The following SH3GL1 variants were observed in gnomAD, a reference collection of about 807,000 sequenced individuals.
The protein encoded by SH3GL1 is SH3 domain containing GRB2 like 1, endophilin A2, also known as endophilin-A2.
Under a neutral mutation model 48.8 loss-of-function variants are expected in SH3GL1, and 21 were observed. The observed-to-expected ratio is 0.43, with a 90% CI of 0.30 to 0.62. The LOEUF is 0.62. Among genes scored for constraint, SH3GL1 ranks in the 20% least tolerant of loss-of-function variants. SH3GL1 has a pLI of 0.11. For missense variants in SH3GL1, 454 were observed against 503.0 expected (o/e 0.90, Z 0.93); for synonymous variants, 282 against 217.5 (o/e 1.30, Z -2.61).
chr19:4,374,361 G>C (rs1022470606), intron 1 of SH3GL1, among the ~76,000 whole-genome samples: 3 of 152,344 alleles, frequency 2.0e-5, no homozygotes, highest in Non-Finnish European at 2.9e-5. Flanking sequence ...TTCAGGCCTG[G>C]TCTATGATGG....
Position 4,367,029 on chromosome 19 carries a change from A to AG in SH3GL1, c.46-36dup. 6.3e-7 allele frequency: 1 copy of AG among 1,598,072 alleles called. No homozygotes were observed. The highest frequency in any genetic ancestry group is 8.6e-7 in the Non-Finnish European group (1 of 1,165,486). Reference sequence around the variant, plus strand: ...AGAAGAGGGGAAACGCTGTGAGCCCAGGGGTAGGAGGAAGAAGAGGACAGG... The same window carrying AG: ...AGAAGAGGGGAAACGCTGTGAGCCCAGGGGGTAGGAGGAAGAAGAGGACAGG... On this transcript the variant is annotated intron_variant, in intron 1 of 9. Coordinates refer to ENST00000269886, the MANE Select transcript of SH3GL1 (RefSeq NM_003025.4). The surrounding 1 kb of genome is among the most constrained non-coding windows in gnomAD (Gnocchi z 4.2).
At chr19:4,380,639 T>G (rs977312295) in intron 1 of SH3GL1, among the ~76,000 whole-genome samples, 1 of 152,186 alleles carries the variant, frequency 6.6e-6, no homozygotes, top group African/African-American at 2.4e-5. Context: ...AATTGTCAAC[T>G]GTCTTCAGGA....
intron 1 of SH3GL1, among the ~76,000 whole-genome samples, chr19:4,370,726 C>A (rs1030311215): frequency 6.6e-6 from 1 of 152,270 alleles, no homozygotes; most frequent in African/African-American, 2.4e-5. Flanking sequence ...TGGCCTCCCA[C>A]AGAGGCTGTG....
chr19:4,393,368 C>A (rs1051003532), intron 1 of SH3GL1, among the ~76,000 whole-genome samples: 1 of 152,120 alleles, frequency 6.6e-6, no homozygotes, highest in African/African-American at 2.4e-5. Flanking sequence ...GCCTGTAATC[C>A]CAGCACTTTG....
rs1382189211 is a variant in SH3GL1 at position 4,376,525 on chromosome 19, T to C, written c.46-9531A>G. Reference sequence around the variant, plus strand: ...CTCCTCCCACAGGAAGCTCTCCTGATTGATCCCCATCACTGGTCTCCTCAC... The same window carrying C: ...CTCCTCCCACAGGAAGCTCTCCTGACTGATCCCCATCACTGGTCTCCTCAC... On this transcript the variant is annotated intron_variant, in intron 1 of 9. Coordinates refer to ENST00000269886, the MANE Select transcript of SH3GL1 (RefSeq NM_003025.4). The surrounding 1 kb of genome is among the most constrained non-coding windows in gnomAD (Gnocchi z 4.3). Among the ~76,000 whole-genome samples, 1 of 152,098 alleles carries C rather than the reference T, an allele frequency of 6.6e-6. No individual in the cohort carries two copies. Among genetic ancestry groups the C allele is most frequent in the Non-Finnish European group, 1.5e-5 (1 of 67,996 alleles).
rs1972620655 is a variant in SH3GL1, at chr19:4,361,752, G to A, written c.955C>T (p.Pro319Ser). 6.2e-7 allele frequency: 1 copy of A among 1,612,138 alleles called. No homozygotes were observed. The highest frequency in any genetic ancestry group is 1.7e-5 in the Admixed American group (1 of 59,996). ...PSCKALYDFE[P>S]ENDGELGFHE... ...AAGCCCAGCTCCCCGTCGTTCTCGG[G>A]CTCGAAGTCGTACAGCGCCTTGCAG... is the stretch of plus-strand genomic sequence containing the variant. The change falls in exon 10 of 10, where the codon CCC becomes TCC. Residue 319 changes from proline to serine, a missense_variant. Physicochemically the swap from Pro to Ser is moderately conservative, Grantham distance 74. Transcript: ENST00000269886.
In SH3GL1 at chr19:4,365,753, G is replaced by A. The variant is rs564799652; in HGVS notation, c.188-128C>T. The A allele has an allele frequency of 8.3e-6, 11 of 1,326,090 alleles. No homozygotes were observed. The East Asian group carries it at 2.1e-4, about 25-fold the overall frequency. The allele number at this position is 1,326,090 out of a possible 1,614,324, so 82.1% of individuals were successfully genotyped here. On this transcript the variant is annotated intron_variant, in intron 3 of 9. Transcript: ENST00000269886. ...CTGTGGACAGCCTAGGCCACACAAA[G>A]CACAGTGGAATCCCCAGAGGGTCCC...
At chr19:4,363,611 G>T in intron 6 of SH3GL1, 109 bp downstream of exon 6, 2 of 1,506,002 alleles carry the variant, frequency 1.3e-6, no homozygotes, top group Non-Finnish European at 1.8e-6. Flanking sequence ...CACCTCCCCT[G>T]CTGCAGCGGC....
intron 1 of SH3GL1, among the ~76,000 whole-genome samples, chr19:4,387,635 G>C (rs1973260336): frequency 6.6e-6 from 1 of 151,998 alleles, no homozygotes; most frequent in South Asian, 2.1e-4. Flanking sequence ...CTCAGGGGTG[G>C]GGTATCCAGC....
At position 4,360,772 on chromosome 19, in the gene SH3GL1, C is replaced by T. The variant is rs917752208; in HGVS notation, c.*828G>A. Reference sequence around the variant, plus strand: ...CCTTTGTGCTTGGCCCTCGGCAGCGCGGCTGTGGTCCCGTGTGAGGTGTGC... The same window carrying T: ...CCTTTGTGCTTGGCCCTCGGCAGCGTGGCTGTGGTCCCGTGTGAGGTGTGC... On this transcript the variant is annotated 3_prime_UTR_variant, in exon 10 of 10. Transcript: ENST00000269886. 6 of 233,296 alleles carry T rather than the reference C, an allele frequency of 2.6e-5. No individual in the cohort carries two copies. The highest frequency in any genetic ancestry group is 1.8e-4 in the South Asian group (1 of 5,566). 14.5% of individuals were successfully genotyped at this position (233,296 alleles called of 1,614,324 possible).
chr19:4,381,301 CCT>C lies in SH3GL1; in HGVS notation c.46-14309_46-14308del, dbSNP rs1275936618. Among the ~76,000 whole-genome samples, 9 of 120,928 alleles carry C rather than the reference CCT, an allele frequency of 7.4e-5. No homozygotes were observed. The South Asian group carries it at 1.0e-3, about 14-fold the overall frequency. 79.3% of individuals were successfully genotyped at this position (120,928 alleles called of 152,430 possible). A position where few individuals can be genotyped will look rare whatever the true frequency, so the allele number is the denominator to read the frequency against. On this transcript the variant is annotated intron_variant, in intron 1 of 9. Coordinates refer to ENST00000269886, the MANE Select transcript of SH3GL1 (RefSeq NM_003025.4). ...CTCCCGTCTCCCTCTGTCCCCTCTG[CCT>C]CTCTCTGTCCCCCTATGTCTCCCGT...
At chr19:4,385,110 A>AG (rs1448599438) in intron 1 of SH3GL1, among the ~76,000 whole-genome samples, 1 of 151,700 alleles carries the variant, frequency 6.6e-6, no homozygotes, top group Non-Finnish European at 1.5e-5. Context: ...CAAAAAAAAA[A>AG]AAAAAAACTA....
At chr19:4,363,674 C>T (rs1208405152) in intron 6 of SH3GL1, 46 bp downstream of exon 6, 1 of 1,610,080 alleles carries the variant, frequency 6.2e-7, no homozygotes, top group Non-Finnish European at 8.5e-7. Context: ...CCCCGGCCTC[C>T]CAAGGGCATA....
chr19:4,377,411 T>C (rs1269874378), intron 1 of SH3GL1, among the ~76,000 whole-genome samples: 5 of 152,374 alleles, frequency 3.3e-5, no homozygotes, highest in Admixed American at 2.6e-4. Context: ...ACCTGTCTCC[T>C]CTGCCTATCT....
chr19:4,382,509 G>T (rs1365414826), intron 1 of SH3GL1, among the ~76,000 whole-genome samples: 2 of 151,382 alleles, frequency 1.3e-5, no homozygotes, highest in Non-Finnish European at 2.9e-5. Flanking sequence ...CGCCTGCCTC[G>T]GCCTCCCAAA....
chr19:4,384,769 C>T (rs370948154), intron 1 of SH3GL1, among the ~76,000 whole-genome samples: 3 of 152,160 alleles, frequency 2.0e-5, no homozygotes, highest in African/African-American at 7.2e-5. Flanking sequence ...AGTGGAGCCT[C>T]GTGTGTCAGT....
At position 4,373,656 on chromosome 19, in the gene SH3GL1, G is replaced by A. The variant is rs546211734; in HGVS notation, c.46-6662C>T. On this transcript the variant is annotated intron_variant, in intron 1 of 9. Transcript: ENST00000269886. ...GACAGTGGCTCTGGAAGCCCCAGGC[G>A]TCCTCTCAGCCAAAGGGGCAGTCCC... Among the ~76,000 whole-genome samples the A allele has an allele frequency of 1.1e-4, 16 of 152,262 alleles. No individual in the cohort carries two copies. The South Asian group carries it at 2.3e-3, about 22-fold the overall frequency.
chr19:4,366,310 C>T (rs1972777660), intron 3 of SH3GL1, among the ~76,000 whole-genome samples, 191 bp downstream of exon 3: 1 of 152,170 alleles, frequency 6.6e-6, no homozygotes, highest in African/African-American at 2.4e-5. Context: ...GTGAAGCCAA[C>T]AGAGGGGCTG....
rs549632628 is a variant in SH3GL1, at chr19:4,366,485, T to C, written c.187+16A>G. ...GAGGGCCTGGGGCAGGCCCTGGCAG[T>C]GGCTGGAGCACCCACCTGGGTTGGG... On this transcript the variant is annotated intron_variant, in intron 3 of 9. Coordinates refer to ENST00000269886, the MANE Select transcript of SH3GL1 (RefSeq NM_003025.4). 4.4e-6 allele frequency: 7 copies of C among 1,604,312 alleles called. No individual in the cohort carries two copies. The Admixed American group carries it at 8.4e-5, about 19-fold the overall frequency.
Sources: allele counts gnomAD v4.1 joint callset (sites outside exome capture counted in the v4.1 genomes callset), GRCh38; gene constraint gnomAD v4.1.1; non-coding constraint Gnocchi (gnomAD v3.1); transcripts MANE v1.5; gene names NCBI Gene and HGNC (gene_info 2026-07-23, HGNC 2026-07-21).